CTSS: variants seen among roughly 807,000 people sequenced by gnomAD.
CTSS encodes cathepsin S.
In CTSS, 15 loss-of-function variants were observed where a neutral mutation model predicts 39.9. The observed-to-expected ratio is 0.38, with a 90% CI of 0.25 to 0.58. The LOEUF (loss-of-function observed/expected upper bound fraction) is 0.58. Among genes scored for constraint, CTSS ranks in the 20% least tolerant of loss-of-function variants. The probability of loss-of-function intolerance (pLI) is 0.70; values close to 1 mark genes in which losing one functional copy is unlikely to be tolerated. For synonymous variants in CTSS, 126 were observed against 138.2 expected, an observed-to-expected ratio of 0.91 and a Z score of 0.62; for missense variants, 250 against 398.2, an observed-to-expected ratio of 0.63 and a Z score of 3.17.
At chr1:150,748,645 G>A (rs587689690) in intron 6 of CTSS, among the ~76,000 whole-genome samples, 1 of 150,624 alleles carries the variant, frequency 6.6e-6, no homozygotes, top group East Asian at 2.0e-4. Context: ...CAGGTGGTAT[G>A]ATCATAGCTA....
At chr1:150,737,736 G>C (rs1270682432) in intron 7 of CTSS, among the ~76,000 whole-genome samples, 1 of 151,996 alleles carries the variant, frequency 6.6e-6, no homozygotes, top group Non-Finnish European at 1.5e-5. Flanking sequence ...TATGATAAAC[G>C]AAGAAATACT....
intron 2 of CTSS, among the ~76,000 whole-genome samples, chr1:150,763,411 T>C (rs1653304292): frequency 6.6e-6 from 1 of 152,198 alleles, no homozygotes; most frequent in Admixed American, 6.5e-5. Flanking sequence ...TAATGTATTT[T>C]ATATGTCAAA....
intron 6 of CTSS, among the ~76,000 whole-genome samples, chr1:150,749,142 A>G (rs1395273648): frequency 6.6e-6 from 1 of 152,194 alleles, no homozygotes; most frequent in Non-Finnish European, 1.5e-5. Context: ...TGTTCAAGTA[A>G]AAAGAAAAGT....
At chr1:150,740,813 G>C (rs776661629) in intron 7 of CTSS, among the ~76,000 whole-genome samples, 10 of 151,792 alleles carry the variant, frequency 6.6e-5, no homozygotes, top group South Asian at 2.1e-4. Context: ...TCCCACCTCA[G>C]TCTCCCAAGT....
intron 2 of CTSS, among the ~76,000 whole-genome samples, chr1:150,761,647 C>T (rs926673695): frequency 6.6e-6 from 1 of 152,120 alleles, no homozygotes. Context: ...AGGAGAATTG[C>T]TTGAACCCCA....
Position 150,732,914 on chromosome 1 carries a change from C to CT in CTSS, c.*131dup, listed in dbSNP as rs1652554731. The CT allele has an allele frequency of 1.5e-6, 1 of 678,100 alleles. No homozygotes were observed. Among genetic ancestry groups the CT allele is most frequent in the African/African-American group, 1.8e-5 (1 of 54,162 alleles). The allele number at this position is 678,100 out of a possible 1,614,324, so 42.0% of individuals were successfully genotyped here. A position where few individuals can be genotyped will look rare whatever the true frequency, so the allele number is the denominator to read the frequency against. On this transcript the variant is annotated 3_prime_UTR_variant, in exon 8 of 8. Coordinates refer to ENST00000368985, the MANE Select transcript of CTSS (RefSeq NM_004079.5). ...GTGAGCCACCGTGCCCGGCCTCAAA[C>CT]TATATTTTCTAATTAGTACAGTAAA...
chr1:150,756,085 T>A (rs775475400), intron 3 of CTSS, among the ~76,000 whole-genome samples: 5 of 152,222 alleles, frequency 3.3e-5, no homozygotes, highest in Non-Finnish European at 7.3e-5. Flanking sequence ...ATAAGCTTTT[T>A]CTATTTTTAA....
At chr1:150,761,290 G>T (rs1015047443) in intron 2 of CTSS, among the ~76,000 whole-genome samples, 1 of 151,802 alleles carries the variant, frequency 6.6e-6, no homozygotes, top group Non-Finnish European at 1.5e-5. Flanking sequence ...AAAGTCAGTA[G>T]TATTTTTATA....
At chr1:150,752,799 G>A (rs1002237804) in intron 4 of CTSS, among the ~76,000 whole-genome samples, 4 of 152,110 alleles carry the variant, frequency 2.6e-5, no homozygotes, top group African/African-American at 9.7e-5. Flanking sequence ...AAAACTAATT[G>A]AAAGAAAAAT....
At chr1:150,745,602 C>T (rs950318560) in intron 7 of CTSS, among the ~76,000 whole-genome samples, 14 of 152,008 alleles carry the variant, frequency 9.2e-5, no homozygotes, top group African/African-American at 3.1e-4. Flanking sequence ...TTTGAGGTTG[C>T]GGTGAACATT....
At chr1:150,738,912 G>T (rs1485581972) in intron 7 of CTSS, among the ~76,000 whole-genome samples, 1 of 151,954 alleles carries the variant, frequency 6.6e-6, no homozygotes. Context: ...ACCTTACAAT[G>T]GGCCAGGTGC....
At chr1:150,749,776 A>C (rs1652971615) in intron 6 of CTSS, among the ~76,000 whole-genome samples, 1 of 151,410 alleles carries the variant, frequency 6.6e-6, no homozygotes, top group Non-Finnish European at 1.5e-5. Flanking sequence ...CACCCTCCCA[A>C]GTAGCTGAGA....
rs752260242 is a variant in CTSS at position 150,758,000 on chromosome 1, A to C, written c.127-20T>G. The C allele has an allele frequency of 1.2e-6, 2 of 1,610,924 alleles. No individual in the cohort carries two copies. The highest frequency in any genetic ancestry group is 2.7e-5 in the African/African-American group (2 of 74,830). On this transcript the variant is annotated intron_variant, in intron 2 of 7. Transcript: ENST00000368985. ...TTCATTCTAAAACATAATGAAGAAG[A>C]ACATAGTCATACTGCATCCTGGACA...
intron 7 of CTSS, among the ~76,000 whole-genome samples, chr1:150,743,622 AT>A (rs1392633556): frequency 1.3e-5 from 1 of 79,608 alleles, no homozygotes; most frequent in Non-Finnish European, 2.8e-5. Context: ...ATATATGTAT[AT>A]TATGTATACA....
intron 7 of CTSS, among the ~76,000 whole-genome samples, chr1:150,735,017 T>C (rs1225237653): frequency 6.6e-6 from 1 of 152,084 alleles, no homozygotes; most frequent in Non-Finnish European, 1.5e-5. Flanking sequence ...CAGTAAGAAA[T>C]TTAGTTGAAA....
intron 7 of CTSS, among the ~76,000 whole-genome samples, chr1:150,746,449 G>A (rs766151305): frequency 1.3e-5 from 2 of 152,080 alleles, no homozygotes; most frequent in Admixed American, 6.6e-5. Flanking sequence ...TCTGTGCTGC[G>A]GATATGAAGA....
intron 4 of CTSS, among the ~76,000 whole-genome samples, chr1:150,753,019 T>C (rs1163225723): frequency 1.3e-5 from 2 of 151,906 alleles, no homozygotes; most frequent in Non-Finnish European, 2.9e-5. Context: ...CCTGGCTAAT[T>C]TTTATTTTTA....
At chr1:150,745,544 G>A (rs1034028050) in intron 7 of CTSS, among the ~76,000 whole-genome samples, 1 of 151,984 alleles carries the variant, frequency 6.6e-6, no homozygotes, top group Non-Finnish European at 1.5e-5. Context: ...TGCCAGTAGT[G>A]CCAGCTACTT....
intron 2 of CTSS, among the ~76,000 whole-genome samples, chr1:150,761,195 A>G (rs1222305568): frequency 1.3e-5 from 2 of 151,436 alleles, no homozygotes; most frequent in African/African-American, 2.4e-5. Context: ...AAAAAAAAAA[A>G]AAGAGAGAAG....
Sources: gnomAD v4.1 joint callset for allele counts (sites outside exome capture counted in the v4.1 genomes callset) on GRCh38, gnomAD v4.1.1 for gene constraint, MANE v1.5 for transcripts, NCBI Gene and HGNC (gene_info 2026-07-23, HGNC 2026-07-21) for gene names.